Variants in PTPRU observed in about 807,000 individuals in gnomAD.
PTPRU encodes protein tyrosine phosphatase receptor type U.
Under a neutral mutation model 166.3 loss-of-function variants are expected in PTPRU, and 69 were observed. That is an observed-to-expected ratio of 0.41 (90% CI 0.34 to 0.51). The LOEUF (loss-of-function observed/expected upper bound fraction) is 0.51, where lower values mean the gene tolerates loss of function less well. PTPRU is among the 20% of genes least tolerant of loss of function. The probability of loss-of-function intolerance (pLI) is 0.09; values close to 1 mark genes in which losing one functional copy is unlikely to be tolerated. For missense variants in PTPRU, 1,657 were observed against 2,013.7 expected (o/e 0.82, Z 3.39); for synonymous variants, 793 against 814.0 (o/e 0.97, Z 0.44).
chr1:29,288,999 G>A (rs1368027145), intron 14 of PTPRU, among the ~76,000 whole-genome samples: 2 of 152,168 alleles, frequency 1.3e-5, no homozygotes, highest in Admixed American at 6.5e-5. Context: ...GGGCAGGCAG[G>A]GTAGGTAAGG....
At chr1:29,255,485 C>T in intron 2 of PTPRU, 79 bp downstream of exon 2, 1 of 1,572,828 alleles carries the variant, frequency 6.4e-7, no homozygotes. Context: ...TGACCTTGGG[C>T]ACATTACTTA....
rs752540618 is a variant in PTPRU at position 29,310,796 on chromosome 1, G to A, written c.2857+16G>A. On this transcript the variant is annotated intron_variant, in intron 19 of 29. Transcript: ENST00000373779. ...GCCACTCAAGGTACCTGGCACTTCT[G>A]CCCACATGCGCCTTCCCATGTGCCT... The A allele has an allele frequency of 6.2e-7, 1 of 1,612,250 alleles. No individual in the cohort carries two copies. The highest frequency in any genetic ancestry group is 1.7e-5 in the Admixed American group (1 of 60,018).
At chr1:29,325,170 G>T (rs909669773) in intron 28 of PTPRU, 21 bp from the exon 29 acceptor site, 3 of 1,613,916 alleles carry the variant, frequency 1.9e-6, no homozygotes, top group Middle Eastern at 1.6e-4. Context: ...CCGCCCCTCA[G>T]CTTTTGCATC....
intron 2 of PTPRU, 29 bp downstream of exon 2, chr1:29,255,435 C>G: frequency 1.9e-6 from 3 of 1,609,322 alleles, no homozygotes; most frequent in Non-Finnish European, 2.6e-6. Flanking sequence ...GCCATTACCC[C>G]TTCTTCTCCT....
chr1:29,274,335 G>T (rs748380450), intron 7 of PTPRU, among the ~76,000 whole-genome samples: 1 of 152,174 alleles, frequency 6.6e-6, no homozygotes, highest in South Asian at 2.1e-4. Context: ...CACCACGCCT[G>T]GTCGAGATAA....
chr1:29,253,935 A>G (rs1467016630), intron 1 of PTPRU, among the ~76,000 whole-genome samples: 1 of 152,154 alleles, frequency 6.6e-6, no homozygotes, highest in Non-Finnish European at 1.5e-5. Flanking sequence ...AGATAGGGAA[A>G]CAGAGGCTCA....
rs1168500578 is a variant in PTPRU at position 29,320,429 on chromosome 1, G to A, written c.3688-256G>A. 14 of 378,426 alleles carry A rather than the reference G, an allele frequency of 3.7e-5. No homozygotes were observed. The highest frequency in any genetic ancestry group is 1.2e-4 in the East Asian group (3 of 25,642). The allele number at this position is 378,426 out of a possible 1,614,324, so 23.4% of individuals were successfully genotyped here. ...TCAGCCTCATGCCCAAGCTCCCCTC[G>A]CCATACCTTTGGAAACTTTTGCTGT... is the stretch of plus-strand genomic sequence containing the variant. On this transcript the variant is annotated intron_variant, in intron 25 of 29. Transcript: ENST00000373779. This position sits in a 1 kb window ranked among gnomAD's most constrained non-coding sequence, Gnocchi z 5.2.
intron 15 of PTPRU, among the ~76,000 whole-genome samples, chr1:29,303,523 C>T (rs1687235437): frequency 6.6e-6 from 1 of 152,234 alleles, no homozygotes; most frequent in African/African-American, 2.4e-5. Flanking sequence ...CTGTCATGGG[C>T]TCTGCGGAGT....
chr1:29,294,448 GT>G (rs1436933376), intron 15 of PTPRU, among the ~76,000 whole-genome samples: 6 of 152,030 alleles, frequency 3.9e-5, no homozygotes, highest in South Asian at 2.1e-4. Context: ...GTTTTTAGGA[GT>G]TCTTTATATA....
chr1:29,303,779 T>C, intron 15 of PTPRU, 76 bp from the exon 16 acceptor site: 4 of 1,429,050 alleles, frequency 2.8e-6, no homozygotes, highest in Non-Finnish European at 3.8e-6. Context: ...CCCACCCCCA[T>C]AGACCCCAGT....
intron 1 of PTPRU, among the ~76,000 whole-genome samples, chr1:29,243,543 G>T (rs1183853591): frequency 6.6e-6 from 1 of 152,242 alleles, no homozygotes; most frequent in Non-Finnish European, 1.5e-5. Flanking sequence ...GGGGGTGGGG[G>T]ATCTACCTAC....
chr1:29,247,779 G>A (rs1684366309), intron 1 of PTPRU, among the ~76,000 whole-genome samples: 1 of 152,176 alleles, frequency 6.6e-6, no homozygotes, highest in African/African-American at 2.4e-5. Context: ...GAGTGGGCCT[G>A]GCATAAGGTC....
rs533153142 is a variant in PTPRU at position 29,238,419 on chromosome 1, CG to C, written c.73+1706del. On this transcript the variant is annotated intron_variant, in intron 1 of 29. Coordinates refer to ENST00000373779, the MANE Select transcript of PTPRU (RefSeq NM_133178.4). This position sits in a 1 kb window ranked among gnomAD's most constrained non-coding sequence, Gnocchi z 6.1. The stretch of plus-strand genomic sequence containing the variant: ...GGGCTCCGGGTAGCCGGGAGACGCC[CG>C]GGGCGGGATCCGAGCCGAGACACGT... Among the ~76,000 whole-genome samples, 53 of 152,226 alleles carry C rather than the reference CG, an allele frequency of 3.5e-4. 1 individual carries two copies. The South Asian group carries it at 0.01, about 30-fold the overall frequency.
chr1:29,303,822 G>A (rs1343903047), intron 15 of PTPRU, 33 bp from the exon 16 acceptor site: 2 of 1,571,054 alleles, frequency 1.3e-6, no homozygotes, highest in African/African-American at 2.7e-5. Context: ...GGGCATGTGT[G>A]TCAAGAACCC....
In PTPRU at chr1:29,320,677, C is replaced by G. The variant is rs1237964594; in HGVS notation, c.3688-8C>G. ...ACAGGGCCCTGCTGAGTTCCGGTTTCCCTGCAGAGCTACACACGGAGTGCG... is the reference window on the plus strand; with the variant it reads ...ACAGGGCCCTGCTGAGTTCCGGTTTGCCTGCAGAGCTACACACGGAGTGCG... On this transcript the variant is annotated splice_region_variant and splice_polypyrimidine_tract_variant and intron_variant, in intron 25 of 29. Coordinates refer to ENST00000373779, the MANE Select transcript of PTPRU (RefSeq NM_133178.4). The surrounding 1 kb of genome is among the most constrained non-coding windows in gnomAD (Gnocchi z 5.2). 1 of 1,567,332 alleles carries G rather than the reference C, an allele frequency of 6.4e-7. No homozygotes were observed. Among genetic ancestry groups the G allele is most frequent in the East Asian group, 2.3e-5 (1 of 43,466 alleles).
Position 29,237,968 on chromosome 1 carries a change from C to G in PTPRU, c.73+1251C>G, listed in dbSNP as rs1446764132. On this transcript the variant is annotated intron_variant, in intron 1 of 29. Transcript: ENST00000373779. The surrounding 1 kb of genome is among the most constrained non-coding windows in gnomAD (Gnocchi z 6.4). ...GGGGACGGCGCCCCCTCCCTTGGCGCGCAGGACGCGCGGGGGACGCCCGGG... is the reference window on the plus strand; with the variant it reads ...GGGGACGGCGCCCCCTCCCTTGGCGGGCAGGACGCGCGGGGGACGCCCGGG... 2.7e-5 allele frequency among the ~76,000 whole-genome samples: 4 copies of G among 150,788 alleles called. No homozygotes were observed. Among genetic ancestry groups the G allele is most frequent in the Non-Finnish European group, 3.0e-5 (2 of 67,628 alleles).
intron 1 of PTPRU, among the ~76,000 whole-genome samples, chr1:29,253,008 G>C (rs1031597292): frequency 6.6e-6 from 1 of 152,134 alleles, no homozygotes; most frequent in Non-Finnish European, 1.5e-5. Context: ...TGGCCGACCC[G>C]CTGCAGGTTG....
intron 18 of PTPRU, among the ~76,000 whole-genome samples, chr1:29,308,916 C>A (rs1687525103): frequency 6.6e-6 from 1 of 151,942 alleles, no homozygotes; most frequent in Admixed American, 6.6e-5. Flanking sequence ...GTAGTCCCAG[C>A]TACTTGGGAG....
At chr1:29,266,073 T>A (rs1685292915) in intron 7 of PTPRU, among the ~76,000 whole-genome samples, 2 of 131,968 alleles carry the variant, frequency 1.5e-5, no homozygotes, top group Admixed American at 1.9e-4. Context: ...CAGGCTGGAG[T>A]GCAATGGCAT....
Sources: gnomAD v4.1 joint callset for allele counts (sites outside exome capture counted in the v4.1 genomes callset) on GRCh38, gnomAD v4.1.1 for gene constraint, Gnocchi (gnomAD v3.1) non-coding constraint, MANE v1.5 for transcripts, NCBI Gene and HGNC (gene_info 2026-07-23, HGNC 2026-07-21) for gene names.